The following ACYP1 variants were observed in gnomAD, a reference collection of about 807,000 sequenced individuals.
ACYP1 encodes acylphosphatase-1.
A neutral mutation model predicts 10.4 loss-of-function variants in ACYP1; 8 were observed. The observed-to-expected ratio is 0.77, with a 90% CI of 0.45 to 1.38. The LOEUF is 1.38. ACYP1 is among the 40% of genes most tolerant of loss of function. ACYP1 has a pLI of 0.00. For missense variants in ACYP1, 93 were observed against 117.3 expected (o/e 0.79, Z 0.96); for synonymous variants, 38 against 40.8 (o/e 0.93, Z 0.26).
intron 1 of ACYP1, chr14:75,069,123 C>T (rs1269129188): frequency 4.6e-6 from 6 of 1,295,554 alleles, no homozygotes; most frequent in South Asian, 1.4e-5. Context: ...AAAACTACCA[C>T]GGAAAGATAC....
chr14:75,061,824 G>A (rs894118283), intron 2 of ACYP1: 7 of 1,280,492 alleles, frequency 5.5e-6, no homozygotes, highest in East Asian at 2.6e-5. Context: ...GGTATTGGCC[G>A]GGCACAGTGG....
At chr14:75,060,515 T>C (rs1892989393) in intron 2 of ACYP1, among the ~76,000 whole-genome samples, 1 of 152,246 alleles carries the variant, frequency 6.6e-6, no homozygotes, top group African/African-American at 2.4e-5. Context: ...GAAAACATTG[T>C]CTACATAAAA....
rs1265385915 is a variant in ACYP1, at chr14:75,054,238, C to CTGGATTTCCTACCT, written c.85-580_85-579insAGGTAGGAAATCCA. ...CTAACCCAACATCTTTATGTTGTAGCCAAAGCCCACTTTATTATCTTCCTA... is the reference window on the plus strand; with the variant it reads ...CTAACCCAACATCTTTATGTTGTAGCTGGATTTCCTACCTCAAAGCCCACTTTATTATCTTCCTA... On this transcript the variant is annotated intron_variant, in intron 2 of 2. Transcript: ENST00000238618. 3.3e-5 allele frequency among the ~76,000 whole-genome samples: 5 copies of CTGGATTTCCTACCT among 152,026 alleles called. No individual in the cohort carries two copies. The South Asian group carries it at 8.3e-4, about 25-fold the overall frequency.
rs183573110 is a variant in ACYP1 at position 75,055,496 on chromosome 14, T to A, written c.85-1837A>T. 2.9e-4 allele frequency among the ~76,000 whole-genome samples: 44 copies of A among 151,624 alleles called. No individual in the cohort carries two copies. The East Asian group carries it at 7.9e-3, about 27-fold the overall frequency. On this transcript the variant is annotated intron_variant, in intron 2 of 2. Coordinates refer to ENST00000238618, the MANE Select transcript of ACYP1 (RefSeq NM_001107.5). ...GTGCTCAACTCTGTTCTTATTTTTT[T>A]AATGATGACATAATGTTATTGACTC...
intron 2 of ACYP1, chr14:75,060,083 G>A (rs1184918472): frequency 4.1e-6 from 2 of 483,896 alleles, no homozygotes; most frequent in African/African-American, 4.0e-5. Context: ...TTTAAAAATG[G>A]TTAGAACAAT....
In ACYP1 at chr14:75,056,789, CA is replaced by C. The variant is rs534896523; in HGVS notation, c.85-3131del. 4.0e-5 allele frequency among the ~76,000 whole-genome samples: 6 copies of C among 151,434 alleles called. No homozygotes were observed. In the East Asian group the frequency reaches 1.2e-3, roughly 29 times the overall value. ...GCTATATGATCATCTCAATAGATGG[CA>C]AAAAAGCATTTGACAAAAACCAATA... On this transcript the variant is annotated intron_variant, in intron 2 of 2. Transcript: ENST00000238618.
At chr14:75,063,873 T>C (rs1475428640) in intron 1 of ACYP1, 81 bp downstream of exon 1, 3 of 973,070 alleles carry the variant, frequency 3.1e-6, no homozygotes, top group Admixed American at 9.4e-5. Context: ...TCCCTGCTAC[T>C]AACTCCCAGA....
chr14:75,069,104 T>A, intron 1 of ACYP1: 2 of 1,119,854 alleles, frequency 1.8e-6, no homozygotes, highest in Non-Finnish European at 2.5e-6. Context: ...AATAATTAGA[T>A]TGGCCACAAA....
At chr14:75,061,719 C>A in intron 2 of ACYP1, 1 of 1,593,650 alleles carries the variant, frequency 6.3e-7, no homozygotes, top group South Asian at 1.1e-5. Flanking sequence ...TGGAACACAG[C>A]TCTTGCTGTG....
chr14:75,063,238 T>C, intron 2 of ACYP1: 1 of 513,870 alleles, frequency 1.9e-6, no homozygotes, highest in South Asian at 2.3e-5. Context: ...CATTAATATG[T>C]GTATCTAGAT....
intron 1 of ACYP1, chr14:75,069,156 C>T: frequency 1.3e-6 from 2 of 1,482,942 alleles, no homozygotes; most frequent in Non-Finnish European, 1.8e-6. Context: ...ACGTTGGCAG[C>T]AAGTTCCAAA....
At chr14:75,058,721 T>G (rs1892945202) in intron 2 of ACYP1, among the ~76,000 whole-genome samples, 1 of 151,766 alleles carries the variant, frequency 6.6e-6, no homozygotes, top group Admixed American at 6.5e-5. Flanking sequence ...ACATTTATGT[T>G]GATTTTTGAA....
intron 2 of ACYP1, among the ~76,000 whole-genome samples, chr14:75,062,601 G>A (rs1893051766): frequency 6.8e-6 from 1 of 147,676 alleles, no homozygotes; most frequent in Admixed American, 6.9e-5. Flanking sequence ...GGATCACGAG[G>A]CCAGGAGTTC....
At chr14:75,065,225 G>C (rs1459863130), upstream of ACYP1, among the ~76,000 whole-genome samples, 18 of 152,216 alleles carry the variant, frequency 1.2e-4, no homozygotes, top group Admixed American at 6.5e-4. Context: ...ATCCTCTGTG[G>C]ATTGACTGTA....
At chr14:75,058,428 G>A (rs1180089562) in intron 2 of ACYP1, among the ~76,000 whole-genome samples, 1 of 151,192 alleles carries the variant, frequency 6.6e-6, no homozygotes, top group Non-Finnish European at 1.5e-5. Context: ...TAGCCTGGGC[G>A]ACAAGAACAA....
chr14:75,064,656 C>T (rs947885078), upstream of ACYP1, among the ~76,000 whole-genome samples: 4 of 152,082 alleles, frequency 2.6e-5, no homozygotes, highest in Admixed American at 6.5e-5. Context: ...ATCGCTTGAA[C>T]CTGGGAGGTG....
rs573519342 is a variant in ACYP1 at position 75,069,254 on chromosome 14, A to G, written c.38T>C (p.Leu13Pro). 1.1e-4 allele frequency: 159 copies of G among 1,486,974 alleles called. No individual in the cohort carries two copies. In the African/African-American group the frequency reaches 2.0e-3, roughly 19 times the overall value. 92.1% of individuals were successfully genotyped at this position (1,486,974 alleles called of 1,614,324 possible). ...GCCGAGCGCGCGGAGAAAGGCCAGC[A>G]GCAGCCCCGCTCCCGCCAGGCGGGC... Residue 13 changes from leucine to proline, a missense_variant, in exon 1 of 3, where the codon CTG becomes CCG. Physicochemically the swap from Leu to Pro is moderately conservative, Grantham distance 98. Transcript: ENST00000555463.
chr14:75,067,545 T>C (rs140507350), upstream of ACYP1, among the ~76,000 whole-genome samples: 231 of 152,278 alleles, frequency 1.5e-3, no homozygotes, highest in African/African-American at 5.3e-3. Context: ...AATGTGGAGA[T>C]TTCCATTAAG....
intron 2 of ACYP1, chr14:75,059,920 T>C (rs1892975804): frequency 4.6e-6 from 1 of 217,380 alleles, no homozygotes; most frequent in Non-Finnish European, 9.0e-6. Flanking sequence ...GTTGAATTAA[T>C]AGAATGTAGA....
Sources: gnomAD v4.1 joint callset for allele counts (sites outside exome capture counted in the v4.1 genomes callset) on GRCh38, gnomAD v4.1.1 for gene constraint, MANE v1.5 for transcripts, NCBI Gene and HGNC (gene_info 2026-07-23, HGNC 2026-07-21) for gene names.